Variants in NTN1 observed in about 807,000 individuals in gnomAD.
NTN1 encodes netrin-1.
NTN1 carries 11 observed loss-of-function variants against 54.2 expected under a neutral mutation model. The observed-to-expected ratio is 0.20, with a 90% confidence interval of 0.13 to 0.34. The LOEUF (loss-of-function observed/expected upper bound fraction) is 0.34, where lower values mean the gene tolerates loss of function less well. NTN1 is among the 10% of genes least tolerant of loss of function. The probability of loss-of-function intolerance (pLI) is 1.00; values close to 1 mark genes in which losing one functional copy is unlikely to be tolerated. For synonymous variants in NTN1, 371 were observed against 382.0 expected (o/e 0.97, Z 0.33); for missense variants, 740 against 893.1 (o/e 0.83, Z 2.18).
At chr17:9,194,434 G>A (rs1261303564) in intron 5 of NTN1, among the ~76,000 whole-genome samples, 4 of 152,216 alleles carry the variant, frequency 2.6e-5, no homozygotes, top group African/African-American at 9.6e-5. Context: ...CTGTGGCTTC[G>A]TGGAGTGAGT....
At chr17:9,014,232 A>T in the NTN1 span, among the ~76,000 whole-genome samples, 1 of 152,178 alleles carries the variant, frequency 6.6e-6, no homozygotes, top group African/African-American at 2.4e-5. Flanking sequence ...GGGACCTGGG[A>T]TTCCCTGAGT....
the NTN1 span, among the ~76,000 whole-genome samples, chr17:9,014,281 A>G: frequency 0.032 from 4,928 of 152,226 alleles, 239 homozygotes; most frequent in African/African-American, 0.11. Context: ...TGGGCTCTAG[A>G]TGCCTTGAAA....
At chr17:9,205,333 C>T (rs1018032040) in intron 5 of NTN1, among the ~76,000 whole-genome samples, 1 of 152,190 alleles carries the variant, frequency 6.6e-6, no homozygotes, top group Non-Finnish European at 1.5e-5. Context: ...AGGATGGTCC[C>T]TTGAAAAGGG....
intron 2 of NTN1, among the ~76,000 whole-genome samples, chr17:9,049,191 G>A (rs1016615654): frequency 1.3e-4 from 20 of 152,344 alleles, no homozygotes; most frequent in African/African-American, 1.4e-4. Flanking sequence ...CAAAAAGTTC[G>A]TGGTAATAGT....
At chr17:9,141,605 T>A (rs2092298011) in intron 2 of NTN1, among the ~76,000 whole-genome samples, 1 of 151,386 alleles carries the variant, frequency 6.6e-6, no homozygotes, top group Non-Finnish European at 1.5e-5. Flanking sequence ...CCTAGGGAGA[T>A]GTGGGGTTGG....
At chr17:9,114,844 C>G (rs1332214607) in intron 2 of NTN1, among the ~76,000 whole-genome samples, 2 of 152,246 alleles carry the variant, frequency 1.3e-5, no homozygotes, top group Non-Finnish European at 2.9e-5. Context: ...CCTCTTTTCT[C>G]TCATAGCTCC....
intron 2 of NTN1, among the ~76,000 whole-genome samples, chr17:9,137,219 C>T (rs377141865): frequency 1.3e-5 from 2 of 152,138 alleles, no homozygotes; most frequent in Non-Finnish European, 2.9e-5. Context: ...GTTCATGCAT[C>T]GTCTCCCACT....
chr17:9,015,521 C>T, the NTN1 span, among the ~76,000 whole-genome samples: 2 of 152,176 alleles, frequency 1.3e-5, no homozygotes, highest in African/African-American at 4.8e-5. Context: ...TTGTTCTCTT[C>T]TTGTCCTCCC....
intron 5 of NTN1, among the ~76,000 whole-genome samples, chr17:9,218,395 T>G (rs2142353201): frequency 6.6e-6 from 1 of 152,294 alleles, no homozygotes; most frequent in Middle Eastern, 3.4e-3. Flanking sequence ...ATTAGTTTCG[T>G]GAGAGTAGCT....
chr17:9,101,582 C>T (rs748876609), intron 2 of NTN1, among the ~76,000 whole-genome samples: 2 of 152,194 alleles, frequency 1.3e-5, no homozygotes, highest in African/African-American at 2.4e-5. Context: ...CAGTCCAGGG[C>T]CCATGACAGC....
chr17:9,048,040 T>C (rs139988402), intron 2 of NTN1, among the ~76,000 whole-genome samples: 1,529 of 152,304 alleles, frequency 0.01, 27 homozygotes, highest in African/African-American at 0.032. Context: ...TGAATCCTTT[T>C]CAGAAGGTTT....
chr17:9,005,759 G>A, the NTN1 span, among the ~76,000 whole-genome samples: 1 of 152,224 alleles, frequency 6.6e-6, no homozygotes, highest in Non-Finnish European at 1.5e-5. Context: ...CCTCCAGAAT[G>A]TGCAGCCAAT....
At chr17:9,146,554 G>A (rs997642953) in intron 2 of NTN1, among the ~76,000 whole-genome samples, 33 of 152,088 alleles carry the variant, frequency 2.2e-4, no homozygotes, top group Admixed American at 1.1e-3. Flanking sequence ...ACCTCCCATC[G>A]CCTTCTGCTG....
chr17:9,150,661 C>T (rs1362151923), intron 2 of NTN1, among the ~76,000 whole-genome samples: 1 of 152,158 alleles, frequency 6.6e-6, no homozygotes, highest in Non-Finnish European at 1.5e-5. Context: ...CAGCAGGAAC[C>T]CTGAGTGATT....
Position 9,221,274 on chromosome 17 carries a change from G to A in NTN1, c.1486+32G>A, listed in dbSNP as rs781407145. The A allele has an allele frequency of 4.5e-6, 7 of 1,563,632 alleles. No homozygotes were observed. The African/African-American group carries it at 9.5e-5, about 21-fold the overall frequency. On this transcript the variant is annotated intron_variant, in intron 6 of 6. Transcript: ENST00000173229. This position sits in a 1 kb window ranked among gnomAD's most constrained non-coding sequence, Gnocchi z 4.5. ...GAGAGTCCCCTTGTCTGGGGAGGAT[G>A]GGAGGGGGCCACGTGACCAGCGAGG... is the stretch of plus-strand genomic sequence containing the variant.
rs1905253351 is a variant in NTN1, at chr17:9,218,147, C to T, written c.1412-3021C>T. Among the ~76,000 whole-genome samples, 2 of 152,172 alleles carry T rather than the reference C, an allele frequency of 1.3e-5. 1 individual carries two copies. Among genetic ancestry groups the T allele is most frequent in the South Asian group, 4.1e-4 (2 of 4,836 alleles). On this transcript the variant is annotated intron_variant, in intron 5 of 6. Transcript: ENST00000173229. Reference sequence around the variant, plus strand: ...CAGACACTCCGGCCATTCCCTAAGACAAAGAAATCAGAAAGTCCTGGGAGT... The same window carrying T: ...CAGACACTCCGGCCATTCCCTAAGATAAAGAAATCAGAAAGTCCTGGGAGT...
At chr17:9,134,189 C>T (rs189728774) in intron 2 of NTN1, among the ~76,000 whole-genome samples, 1 of 152,284 alleles carries the variant, frequency 6.6e-6, no homozygotes, top group Admixed American at 6.5e-5. Context: ...AGGCATGAGC[C>T]ACCACACCTG....
intron 2 of NTN1, among the ~76,000 whole-genome samples, chr17:9,134,407 G>A (rs1010225913): frequency 2.6e-5 from 4 of 152,096 alleles, no homozygotes; most frequent in African/African-American, 7.2e-5. Flanking sequence ...TGCCCGGCTG[G>A]GGTTGCAGCT....
upstream of NTN1, among the ~76,000 whole-genome samples, chr17:9,018,662 C>T (rs1368696082): frequency 7.0e-6 from 1 of 143,550 alleles, no homozygotes; most frequent in Non-Finnish European, 1.5e-5. Flanking sequence ...TGGACAGAAA[C>T]AACATTCAGG....
Sources: allele counts gnomAD v4.1 joint callset (sites outside exome capture counted in the v4.1 genomes callset), GRCh38; gene constraint gnomAD v4.1.1; non-coding constraint Gnocchi (gnomAD v3.1); transcripts MANE v1.5; gene names NCBI Gene and HGNC (gene_info 2026-07-23, HGNC 2026-07-21).